CHRM2: variants seen among roughly 807,000 people sequenced by gnomAD.
The protein encoded by CHRM2 is muscarinic acetylcholine receptor M2.
Under a neutral mutation model 25.0 loss-of-function variants are expected in CHRM2, and 8 were observed. The ratio of observed to expected loss-of-function variants is 0.32; its 90% CI spans 0.19 to 0.58. The LOEUF (loss-of-function observed/expected upper bound fraction) is 0.58, where lower values mean the gene tolerates loss of function less well. Among genes scored for constraint, CHRM2 ranks in the 20% least tolerant of loss-of-function variants. The pLI, the probability that CHRM2 is intolerant of heterozygous loss-of-function variation, is 0.88. For missense variants in CHRM2, 440 were observed against 567.1 expected (o/e 0.78, Z 2.28); for synonymous variants, 202 against 205.7 (o/e 0.98, Z 0.15).
chr7:136,906,597 A>AT (rs1173234106), intron 2 of CHRM2, among the ~76,000 whole-genome samples: 2 of 151,140 alleles, frequency 1.3e-5, no homozygotes, highest in African/African-American at 2.4e-5. Flanking sequence ...TATATTTGTA[A>AT]TTTTTTTTCT....
At chr7:136,905,089 T>C (rs752190423) in intron 2 of CHRM2, among the ~76,000 whole-genome samples, 2 of 151,970 alleles carry the variant, frequency 1.3e-5, no homozygotes, top group Non-Finnish European at 2.9e-5. Context: ...TGTATAATAA[T>C]TTTAATTTTT....
chr7:136,918,133 TCCCAAC>T (rs1451290369), intron 2 of CHRM2, among the ~76,000 whole-genome samples: 2 of 152,220 alleles, frequency 1.3e-5, no homozygotes, highest in South Asian at 4.1e-4. Flanking sequence ...CGCCTTGTCT[TCCCAAC>T]CAGATCATAA....
chr7:137,001,376 T>C (rs149460684), intron 3 of CHRM2, among the ~76,000 whole-genome samples: 1 of 152,312 alleles, frequency 6.6e-6, no homozygotes, highest in Admixed American at 6.5e-5. Context: ...TACAGTGGGC[T>C]TTGAAAGCAA....
chr7:136,932,705 A>G (rs1799176768), intron 2 of CHRM2, among the ~76,000 whole-genome samples: 1 of 152,184 alleles, frequency 6.6e-6, no homozygotes, highest in Admixed American at 6.5e-5. Context: ...CTTGACCTTG[A>G]GTTAGTCTGA....
chr7:136,933,749 A>G (rs1429173848), intron 2 of CHRM2, among the ~76,000 whole-genome samples: 2 of 152,212 alleles, frequency 1.3e-5, no homozygotes, highest in Non-Finnish European at 2.9e-5. Context: ...AAAAAAGAAT[A>G]CAGCACTTAT....
intron 2 of CHRM2, among the ~76,000 whole-genome samples, chr7:136,878,626 G>A (rs35641096): frequency 0.14 from 20,752 of 151,800 alleles, 1,684 homozygotes; most frequent in Non-Finnish European, 0.18. Context: ...GCTGTTTTTT[G>A]AGTGTTTACC....
At chr7:136,947,295 A>T (rs79180172) in intron 2 of CHRM2, among the ~76,000 whole-genome samples, 3,875 of 152,294 alleles carry the variant, frequency 0.025, 164 homozygotes, top group African/African-American at 0.089. Flanking sequence ...CTAGAAAAAA[A>T]TATGTATGCT....
chr7:137,010,165 T>C (rs1804709014), intron 3 of CHRM2, among the ~76,000 whole-genome samples: 1 of 152,086 alleles, frequency 6.6e-6, no homozygotes, highest in Non-Finnish European at 1.5e-5. Flanking sequence ...TTAAATGACA[T>C]GCTCAGAGTC....
intron 2 of CHRM2, among the ~76,000 whole-genome samples, chr7:136,947,344 G>T (rs193020880): frequency 1.6e-4 from 25 of 152,194 alleles, no homozygotes; most frequent in African/African-American, 5.8e-4. Context: ...AATATCTAGG[G>T]ATGGGGAATA....
At chr7:136,896,835 C>T (rs988778479) in intron 2 of CHRM2, among the ~76,000 whole-genome samples, 1 of 152,010 alleles carries the variant, frequency 6.6e-6, no homozygotes, top group Non-Finnish European at 1.5e-5. Flanking sequence ...TTGGACACTA[C>T]TTTAACAAAG....
intron 2 of CHRM2, chr7:136,899,630 A>T (rs1409413447): frequency 6.6e-6 from 1 of 152,084 alleles, no homozygotes. Flanking sequence ...TAGAAGATAC[A>T]GGAGGACTAT....
chr7:136,934,359 C>A (rs1449566509), intron 2 of CHRM2, among the ~76,000 whole-genome samples: 2 of 152,042 alleles, frequency 1.3e-5, no homozygotes, highest in East Asian at 3.9e-4. Flanking sequence ...CACAGAGATA[C>A]TTCATGTCAT....
At chr7:136,910,560 T>C (rs1458618566) in intron 2 of CHRM2, among the ~76,000 whole-genome samples, 2 of 151,934 alleles carry the variant, frequency 1.3e-5, no homozygotes, top group Admixed American at 6.6e-5. Context: ...AGAATAAAGT[T>C]TTCCATATTT....
chr7:137,011,215 G>GTATATATATA (rs71176365), intron 3 of CHRM2, among the ~76,000 whole-genome samples: 10 of 134,318 alleles, frequency 7.4e-5, no homozygotes, highest in African/African-American at 1.9e-4. Context: ...GTGTGTGTGT[G>GTATATATATA]TATATATATA....
intron 2 of CHRM2, among the ~76,000 whole-genome samples, chr7:136,925,222 C>T (rs1477921933): frequency 6.6e-6 from 1 of 152,128 alleles, no homozygotes; most frequent in Non-Finnish European, 1.5e-5. Flanking sequence ...CTAATGAAGG[C>T]TATGTTTATG....
At chr7:136,931,716 G>C (rs1208129439) in intron 2 of CHRM2, among the ~76,000 whole-genome samples, 1 of 152,136 alleles carries the variant, frequency 6.6e-6, no homozygotes, top group Non-Finnish European at 1.5e-5. Context: ...GTCCAGACTT[G>C]CCTCCCTGAT....
At chr7:136,957,645 C>A (rs1435940154) in intron 2 of CHRM2, among the ~76,000 whole-genome samples, 1 of 152,188 alleles carries the variant, frequency 6.6e-6, no homozygotes, top group Non-Finnish European at 1.5e-5. Flanking sequence ...AAGGTACATA[C>A]CAGCACTGTG....
intron 2 of CHRM2, among the ~76,000 whole-genome samples, chr7:136,984,356 T>C (rs1802696847): frequency 6.6e-6 from 1 of 152,122 alleles, no homozygotes; most frequent in African/African-American, 2.4e-5. Context: ...TTCAAGCCAG[T>C]GGATCTTAGC....
At chr7:136,969,919 T>C (rs181932600) in intron 2 of CHRM2, among the ~76,000 whole-genome samples, 8 of 152,312 alleles carry the variant, frequency 5.3e-5, no homozygotes, top group East Asian at 3.9e-4. Context: ...GTCCGGTAGC[T>C]GGGAAGTCCA....
Sources: allele counts gnomAD v4.1 joint callset (sites outside exome capture counted in the v4.1 genomes callset), GRCh38; gene constraint gnomAD v4.1.1; transcripts MANE v1.5; gene names NCBI Gene and HGNC (gene_info 2026-07-23, HGNC 2026-07-21).